The following DPP10 variants were observed in gnomAD, a reference collection of about 807,000 sequenced individuals.
DPP10 encodes the protein dipeptidyl peptidase like 10.
Under a neutral mutation model 120.9 loss-of-function variants are expected in DPP10, and 33 were observed. That is an observed-to-expected ratio of 0.27 (90% CI 0.21 to 0.37). The LOEUF is 0.37. DPP10 is among the 10% of genes least tolerant of loss of function. The pLI is 1.00. For missense variants in DPP10, 816 were observed against 942.8 expected (o/e 0.87, Z 1.76); for synonymous variants, 337 against 326.1 (o/e 1.03, Z -0.36).
chr2:115,168,375 A>G (rs1177947088), intron 1 of DPP10, among the ~76,000 whole-genome samples: 1 of 152,348 alleles, frequency 6.6e-6, no homozygotes, highest in African/African-American at 2.4e-5. Context: ...GACTTGTGCA[A>G]GGTCCAAAAA....
At chr2:115,595,506 C>A (rs1402066973) in intron 5 of DPP10, among the ~76,000 whole-genome samples, 1 of 151,966 alleles carries the variant, frequency 6.6e-6, no homozygotes, top group Non-Finnish European at 1.5e-5. Flanking sequence ...CCAAGAAAAC[C>A]ATTACTGCAA....
intron 1 of DPP10, among the ~76,000 whole-genome samples, chr2:115,143,208 A>G (rs965331209): frequency 6.6e-6 from 1 of 152,166 alleles, no homozygotes. Context: ...AGGCTGGCTG[A>G]AGTGGCCCTC....
chr2:115,811,847 G>C (rs1022799771), intron 19 of DPP10, among the ~76,000 whole-genome samples: 2 of 152,116 alleles, frequency 1.3e-5, no homozygotes, highest in Non-Finnish European at 2.9e-5. Context: ...TTTATCCATA[G>C]ATATTGTGCA....
At chr2:115,007,583 T>G (rs1407869383) in intron 1 of DPP10, among the ~76,000 whole-genome samples, 3 of 149,400 alleles carry the variant, frequency 2.0e-5, no homozygotes, top group African/African-American at 7.4e-5. Context: ...CCAGGGCAAT[T>G]AGGCAGGAGA....
chr2:115,116,482 C>A (rs576323490), intron 1 of DPP10, among the ~76,000 whole-genome samples: 3 of 152,246 alleles, frequency 2.0e-5, no homozygotes, highest in Non-Finnish European at 4.4e-5. Flanking sequence ...AATAGGTCTG[C>A]CATGATCCTA....
chr2:115,741,565 C>T (rs1233508204), intron 9 of DPP10, among the ~76,000 whole-genome samples: 1 of 151,824 alleles, frequency 6.6e-6, no homozygotes, highest in Non-Finnish European at 1.5e-5. Context: ...GTTCACCTGA[C>T]AATTTAAATG....
chr2:114,848,871 C>G (rs1339874460), intron 1 of DPP10, among the ~76,000 whole-genome samples: 3 of 152,116 alleles, frequency 2.0e-5, no homozygotes, highest in Admixed American at 2.0e-4. Flanking sequence ...ATTTATTTCT[C>G]ACAGTTCTGG....
chr2:115,725,811 T>C, intron 7 of DPP10, among the ~76,000 whole-genome samples: 1 of 152,246 alleles, frequency 6.6e-6, no homozygotes, highest in African/African-American at 2.4e-5. Context: ...TTCCTCCAAA[T>C]AAGGAAAACG....
At chr2:115,751,864 T>C (rs1171450163) in intron 10 of DPP10, among the ~76,000 whole-genome samples, 1 of 151,518 alleles carries the variant, frequency 6.6e-6, no homozygotes, top group Non-Finnish European at 1.5e-5. Context: ...AGTGGCACGA[T>C]CTCGGCTCAC....
chr2:115,491,205 C>T (rs888120951), intron 3 of DPP10, among the ~76,000 whole-genome samples: 13 of 152,164 alleles, frequency 8.5e-5, no homozygotes, highest in South Asian at 2.1e-4. Flanking sequence ...AGAGAAGAGA[C>T]TTAACTCCAA....
intron 1 of DPP10, among the ~76,000 whole-genome samples, chr2:114,459,842 A>C (rs957612504): frequency 6.6e-6 from 1 of 152,170 alleles, no homozygotes; most frequent in Non-Finnish European, 1.5e-5. Context: ...AGTAGTAAAG[A>C]GGGTTATGTC....
At chr2:114,525,596 G>A (rs746640818) in intron 1 of DPP10, among the ~76,000 whole-genome samples, 2 of 152,156 alleles carry the variant, frequency 1.3e-5, no homozygotes, top group Non-Finnish European at 2.9e-5. Context: ...GTTCGAGATC[G>A]AGTGAAAGAG....
At chr2:114,999,030 C>G (rs1229206640) in intron 1 of DPP10, among the ~76,000 whole-genome samples, 1 of 152,144 alleles carries the variant, frequency 6.6e-6, no homozygotes, top group East Asian at 1.9e-4. Flanking sequence ...TGCAAATTGT[C>G]CTGGAATACC....
chr2:115,587,399 A>G (rs550970263), intron 5 of DPP10, among the ~76,000 whole-genome samples: 5 of 152,148 alleles, frequency 3.3e-5, no homozygotes, highest in Non-Finnish European at 7.4e-5. Context: ...AGCCTCTGGT[A>G]AACACCATTC....
intron 1 of DPP10, among the ~76,000 whole-genome samples, chr2:114,614,442 T>A (rs771026425): frequency 2.0e-5 from 3 of 152,200 alleles, no homozygotes; most frequent in Non-Finnish European, 4.4e-5. Context: ...GAAATGAATC[T>A]CTTGTGGATT....
chr2:115,714,601 A>G (rs1297274632), intron 7 of DPP10, among the ~76,000 whole-genome samples: 3 of 152,198 alleles, frequency 2.0e-5, no homozygotes, highest in Non-Finnish European at 4.4e-5. Context: ...TTTCTCTAGC[A>G]TACATGTCTT....
At chr2:115,432,540 G>C (rs972702170) in intron 3 of DPP10, among the ~76,000 whole-genome samples, 1 of 151,862 alleles carries the variant, frequency 6.6e-6, no homozygotes, top group Admixed American at 6.6e-5. Flanking sequence ...ATTTCCTTCT[G>C]TTATACTATA....
chr2:115,650,855 A>G (rs776770297), intron 5 of DPP10, among the ~76,000 whole-genome samples: 8 of 152,012 alleles, frequency 5.3e-5, no homozygotes, highest in Non-Finnish European at 1.2e-4. Context: ...GGAGGCCCAG[A>G]GAAGAAATGA....
At chr2:114,802,241 A>T (rs1010931419) in intron 1 of DPP10, among the ~76,000 whole-genome samples, 4 of 152,206 alleles carry the variant, frequency 2.6e-5, no homozygotes, top group African/African-American at 9.7e-5. Context: ...ACAGTTGTGC[A>T]TAATTTATAA....
Sources: allele counts gnomAD v4.1 joint callset (sites outside exome capture counted in the v4.1 genomes callset), GRCh38; gene constraint gnomAD v4.1.1; transcripts MANE v1.5; gene names NCBI Gene and HGNC (gene_info 2026-07-23, HGNC 2026-07-21).